DLGAP2: variants seen among roughly 807,000 people sequenced by gnomAD.
DLGAP2 encodes the protein DLG associated protein 2, also known as disks large-associated protein 2.
In DLGAP2, 26 loss-of-function variants were observed where a neutral mutation model predicts 100.3. The ratio of observed to expected loss-of-function variants is 0.26; its 90% CI spans 0.19 to 0.36. The LOEUF is 0.36. Among genes scored for constraint, DLGAP2 ranks in the 10% least tolerant of loss-of-function variants. The pLI is 1.00. For missense variants in DLGAP2, 1,858 were observed against 1,453.2 expected, an observed-to-expected ratio of 1.28 and a Z score of -4.53; for synonymous variants, 886 against 630.1, an observed-to-expected ratio of 1.41 and a Z score of -6.08.
At chr8:1,009,105 G>T (rs913200166) in intron 2 of DLGAP2, among the ~76,000 whole-genome samples, 1 of 152,210 alleles carries the variant, frequency 6.6e-6, no homozygotes, top group Non-Finnish European at 1.5e-5. Context: ...CCAGCCTGGG[G>T]ACCCTCTTCC....
At chr8:1,470,230 T>C (rs765696698) in intron 3 of DLGAP2, among the ~76,000 whole-genome samples, 3 of 152,008 alleles carry the variant, frequency 2.0e-5, no homozygotes, top group Non-Finnish European at 4.4e-5. Flanking sequence ...TTCACTCCGC[T>C]GTCTCGCTGG....
chr8:1,202,975 G>T (rs183893303), intron 2 of DLGAP2, among the ~76,000 whole-genome samples: 174 of 152,252 alleles, frequency 1.1e-3, no homozygotes, highest in Non-Finnish European at 1.9e-3. Context: ...CACGGTTTCC[G>T]TGTACTCCGG....
chr8:1,385,512 T>G (rs1464312733), intron 3 of DLGAP2, among the ~76,000 whole-genome samples: 1 of 20,584 alleles, frequency 4.9e-5, no homozygotes, highest in African/African-American at 2.8e-4. Context: ...CCTGTGCCCG[T>G]CCCCTGAGAA....
At chr8:1,693,689 G>C (rs1212876499) in intron 13 of DLGAP2, among the ~76,000 whole-genome samples, 2 of 152,148 alleles carry the variant, frequency 1.3e-5, no homozygotes, top group Non-Finnish European at 2.9e-5. Context: ...TCATTAAAAA[G>C]TATGCCTTCT....
intron 6 of DLGAP2, among the ~76,000 whole-genome samples, chr8:1,605,069 G>A (rs781278859): frequency 7.2e-5 from 11 of 152,088 alleles, no homozygotes; most frequent in South Asian, 2.1e-4. Context: ...AGCCAACCTC[G>A]GTGCCATCGG....
chr8:970,785 A>C (rs898527100), intron 2 of DLGAP2, among the ~76,000 whole-genome samples: 2 of 152,254 alleles, frequency 1.3e-5, no homozygotes, highest in African/African-American at 4.8e-5. Flanking sequence ...CAAAGCTTCT[A>C]GTATATTCTA....
intron 3 of DLGAP2, among the ~76,000 whole-genome samples, chr8:1,262,143 A>G (rs550681082): frequency 2.6e-5 from 4 of 152,362 alleles, no homozygotes; most frequent in East Asian, 1.9e-4. Context: ...TCAGATGATA[A>G]TATCTGTCAA....
chr8:1,216,693 T>G (rs1260547123), intron 2 of DLGAP2, among the ~76,000 whole-genome samples: 1 of 152,114 alleles, frequency 6.6e-6, no homozygotes, highest in African/African-American at 2.4e-5. Flanking sequence ...TAAACTGCAC[T>G]ATACGATCTC....
At chr8:1,352,494 C>A (rs781774702) in intron 3 of DLGAP2, among the ~76,000 whole-genome samples, 15 of 152,162 alleles carry the variant, frequency 9.9e-5, no homozygotes, top group Non-Finnish European at 2.1e-4. Context: ...ACTCTTCCCA[C>A]CCCAGACAGA....
chr8:1,646,766 G>C (rs945203587), intron 8 of DLGAP2, among the ~76,000 whole-genome samples: 7 of 152,210 alleles, frequency 4.6e-5, no homozygotes, highest in African/African-American at 1.7e-4. Flanking sequence ...GCTGGGACAG[G>C]TCACTAGTTA....
At chr8:822,397 A>G (rs1372427513) in intron 1 of DLGAP2, among the ~76,000 whole-genome samples, 2 of 152,216 alleles carry the variant, frequency 1.3e-5, no homozygotes, top group African/African-American at 2.4e-5. Context: ...GGGCAGAAGC[A>G]GGAGAGGCTG....
At chr8:1,591,915 G>A (rs561668359) in intron 6 of DLGAP2, among the ~76,000 whole-genome samples, 9 of 152,336 alleles carry the variant, frequency 5.9e-5, no homozygotes, top group Middle Eastern at 3.4e-3. Flanking sequence ...CCTCCCACCC[G>A]GGGCGGTGGA....
intron 6 of DLGAP2, among the ~76,000 whole-genome samples, chr8:1,594,248 C>G (rs1044822513): frequency 3.9e-5 from 6 of 152,044 alleles, no homozygotes; most frequent in African/African-American, 1.4e-4. Context: ...AGAAATAAAA[C>G]AAATCTCCAG....
At chr8:1,365,902 A>C (rs1160834409) in intron 3 of DLGAP2, among the ~76,000 whole-genome samples, 32 of 152,176 alleles carry the variant, frequency 2.1e-4, no homozygotes, top group Non-Finnish European at 2.9e-5. Flanking sequence ...GCCCAGGAGG[A>C]AAAACAGGTG....
intron 3 of DLGAP2, among the ~76,000 whole-genome samples, chr8:1,311,753 T>A (rs531717836): frequency 2.6e-5 from 4 of 151,294 alleles, no homozygotes; most frequent in Non-Finnish European, 5.9e-5. Context: ...AATTTCTCAG[T>A]ATGATAAAGG....
At chr8:878,296 T>C (rs1797722188) in intron 1 of DLGAP2, among the ~76,000 whole-genome samples, 1 of 152,156 alleles carries the variant, frequency 6.6e-6, no homozygotes, top group African/African-American at 2.4e-5. Flanking sequence ...CTAGAGTGTT[T>C]AGTTTGAGAT....
chr8:1,252,967 G>C (rs1010205927), intron 2 of DLGAP2, among the ~76,000 whole-genome samples: 1 of 152,218 alleles, frequency 6.6e-6, no homozygotes, highest in African/African-American at 2.4e-5. Context: ...TGTCACAGCA[G>C]CCCAGTGCTG....
intron 3 of DLGAP2, among the ~76,000 whole-genome samples, chr8:1,352,999 T>C (rs1801770443): frequency 1.3e-5 from 2 of 152,146 alleles, no homozygotes; most frequent in African/African-American, 4.8e-5. Context: ...GAAGGCAGAT[T>C]TTGACTCAGC....
At chr8:828,976 A>G (rs1329522150) in intron 1 of DLGAP2, among the ~76,000 whole-genome samples, 3 of 152,180 alleles carry the variant, frequency 2.0e-5, no homozygotes, top group Admixed American at 2.0e-4. Context: ...TGGGTAATGA[A>G]TCACTGGCTT....
Sources: gnomAD v4.1 joint callset for allele counts (sites outside exome capture counted in the v4.1 genomes callset) on GRCh38, gnomAD v4.1.1 for gene constraint, MANE v1.5 for transcripts, NCBI Gene and HGNC (gene_info 2026-07-23, HGNC 2026-07-21) for gene names.